KCTD1: variants seen among roughly 807,000 people sequenced by gnomAD.
KCTD1 encodes the protein BTB/POZ domain-containing protein KCTD1.
KCTD1 carries 24 observed loss-of-function variants against 66.0 expected under a neutral mutation model. That is an observed-to-expected ratio of 0.36 (90% CI 0.26 to 0.51). The LOEUF is 0.51. KCTD1 is among the 20% of genes least tolerant of loss of function. The pLI is 0.95. For synonymous variants in KCTD1, 511 were observed against 517.2 expected (o/e 0.99, Z 0.16); for missense variants, 943 against 1,205.2 (o/e 0.78, Z 3.22).
At chr18:26,558,143 G>A (rs762013242) in intron 1 of KCTD1, among the ~76,000 whole-genome samples, 41 of 152,224 alleles carry the variant, frequency 2.7e-4, no homozygotes, top group Non-Finnish European at 4.3e-4. Context: ...GCTTGTTGAA[G>A]CAGGGTGCCT....
intron 1 of KCTD1, 126 bp downstream of exon 1, chr18:26,546,602 G>A: frequency 8.7e-7 from 1 of 1,146,968 alleles, no homozygotes; most frequent in African/African-American, 1.6e-5. Context: ...AGGGTGAAAC[G>A]AAATCCGATT....
chr18:26,582,690 A>G (rs1485837772), intron 1 of KCTD1, among the ~76,000 whole-genome samples: 1 of 152,236 alleles, frequency 6.6e-6, no homozygotes, highest in Non-Finnish European at 1.5e-5. Context: ...CCTGCAAGAT[A>G]CCATGCACCT....
chr18:26,578,048 CT>C (rs1181662709), intron 1 of KCTD1, among the ~76,000 whole-genome samples: 8 of 136,852 alleles, frequency 5.8e-5, no homozygotes, highest in South Asian at 2.3e-4. Flanking sequence ...CTTTTCTTTT[CT>C]TTTCTTTCTT....
intron 2 of KCTD1, among the ~76,000 whole-genome samples, chr18:26,497,199 A>G (rs1440855444): frequency 2.6e-5 from 4 of 152,196 alleles, no homozygotes; most frequent in Non-Finnish European, 5.9e-5. Flanking sequence ...AGATAATATT[A>G]TATCTTTTAA....
At chr18:26,529,190 C>T (rs950999265) in intron 1 of KCTD1, among the ~76,000 whole-genome samples, 1 of 152,156 alleles carries the variant, frequency 6.6e-6, no homozygotes, top group Non-Finnish European at 1.5e-5. Context: ...TCTGTTCACC[C>T]ACTACTGCCA....
At chr18:26,600,023 A>T in intron 1 of KCTD1, 1 of 1,611,562 alleles carries the variant, frequency 6.2e-7, no homozygotes, top group African/African-American at 1.3e-5. Flanking sequence ...GATATGGAGG[A>T]CGACAGCATG....
chr18:26,590,122 C>T (rs1460722514), intron 1 of KCTD1, among the ~76,000 whole-genome samples: 3 of 152,086 alleles, frequency 2.0e-5, no homozygotes, highest in East Asian at 1.9e-4. Flanking sequence ...CTTACTGTGT[C>T]GCCCAGGCTG....
At chr18:26,532,261 C>CTTTCTTTTTTTTT (rs1394278500) in intron 1 of KCTD1, among the ~76,000 whole-genome samples, 24 of 29,552 alleles carry the variant, frequency 8.1e-4, no homozygotes, top group African/African-American at 1.5e-3. Context: ...TTCTTTCCTT[C>CTTTCTTTTTTTTT]TTTTTTTTTT....
At chr18:26,530,285 TA>T (rs1984374360) in intron 1 of KCTD1, among the ~76,000 whole-genome samples, 1 of 152,184 alleles carries the variant, frequency 6.6e-6, no homozygotes, top group Non-Finnish European at 1.5e-5. Flanking sequence ...TCTGAACCTC[TA>T]TAATACAGTT....
At chr18:26,643,582 T>G (rs1274592765), upstream of KCTD1, among the ~76,000 whole-genome samples, 2 of 151,884 alleles carry the variant, frequency 1.3e-5, no homozygotes, top group African/African-American at 4.8e-5. Flanking sequence ...TGGGAATGAG[T>G]TTGGAATTTG....
In KCTD1 at chr18:26,460,000, AT is replaced by A. The variant is rs3835044; in HGVS notation, c.2134-76del. ...TAAACATGTCCACATCTAAGAGGTG[AT>A]TTTTTTCCACTTCTTGTTATGTCAC... On this transcript the variant is annotated intron_variant, in intron 3 of 4. Transcript: ENST00000580059. 0.72 allele frequency: 787,960 copies of A among 1,098,348 alleles called. 288,095 individuals are homozygous for A. The highest frequency in any genetic ancestry group is 0.95 in the East Asian group (39,440 of 41,596). 68.0% of individuals were successfully genotyped at this position (1,098,348 alleles called of 1,614,324 possible). A position where few individuals can be genotyped will look rare whatever the true frequency, so the allele number is the denominator to read the frequency against.
At chr18:26,535,398 G>A (rs745754669) in intron 1 of KCTD1, among the ~76,000 whole-genome samples, 8 of 152,108 alleles carry the variant, frequency 5.3e-5, no homozygotes, top group Non-Finnish European at 1.2e-4. Flanking sequence ...GCGAGCGTCA[G>A]ACCCCCAGCA....
chr18:26,591,967 C>T (rs778273004), intron 1 of KCTD1, among the ~76,000 whole-genome samples: 4 of 152,106 alleles, frequency 2.6e-5, no homozygotes, highest in African/African-American at 4.8e-5. Flanking sequence ...ACACATGATA[C>T]AATACTATTT....
intron 3 of KCTD1, among the ~76,000 whole-genome samples, chr18:26,466,333 C>T (rs893444616): frequency 2.6e-5 from 4 of 152,188 alleles, no homozygotes; most frequent in Non-Finnish European, 5.9e-5. Context: ...GTCTTCAGGG[C>T]GGTCCTGTTG....
rs553024841 is a variant in KCTD1 at position 26,470,579 on chromosome 18, T to A, written c.2133+5936A>T. Among the ~76,000 whole-genome samples, 14 of 152,358 alleles carry A rather than the reference T, an allele frequency of 9.2e-5. No homozygotes were observed. In the South Asian group the frequency reaches 2.7e-3, roughly 29 times the overall value. On this transcript the variant is annotated intron_variant, in intron 3 of 4. Coordinates refer to ENST00000580059, the MANE Select transcript of KCTD1 (RefSeq NM_001142730.3). ...GTCCTCGATAACATTGCTGGGCAGA[T>A]ACCTCTGCCACAGGCCTCTGACTTC...
chr18:26,575,600 T>A (rs1053086358), intron 1 of KCTD1: 1 of 152,234 alleles, frequency 6.6e-6, no homozygotes, highest in South Asian at 2.1e-4. Context: ...GGAAATGGCT[T>A]AGTCTCTAGC....
intron 1 of KCTD1, among the ~76,000 whole-genome samples, chr18:26,564,781 C>T (rs749038633): frequency 2.0e-4 from 30 of 151,674 alleles, no homozygotes; most frequent in Non-Finnish European, 1.3e-4. Flanking sequence ...TCCAGCTATT[C>T]GGGAGGCCGA....
chr18:26,607,172 C>G (rs556341098), intron 1 of KCTD1, among the ~76,000 whole-genome samples: 1 of 152,142 alleles, frequency 6.6e-6, no homozygotes, highest in Admixed American at 6.5e-5. Context: ...GTAGCTGAGA[C>G]GATAGGTGCA....
intron 3 of KCTD1, among the ~76,000 whole-genome samples, chr18:26,461,841 C>CACA (rs1980449255): frequency 6.6e-6 from 1 of 152,108 alleles, no homozygotes; most frequent in East Asian, 1.9e-4. Flanking sequence ...ATCGGCTGGG[C>CACA]GTGGTGGTTC....
Sources: allele counts gnomAD v4.1 joint callset (sites outside exome capture counted in the v4.1 genomes callset), GRCh38; gene constraint gnomAD v4.1.1; transcripts MANE v1.5; gene names NCBI Gene and HGNC (gene_info 2026-07-23, HGNC 2026-07-21).